The following ABLIM2 variants were observed in gnomAD, a reference collection of about 807,000 sequenced individuals.
ABLIM2 encodes actin-binding LIM protein 2.
In ABLIM2, 53 loss-of-function variants were observed where a neutral mutation model predicts 97.7. The ratio of observed to expected loss-of-function variants is 0.54; its 90% confidence interval spans 0.44 to 0.68. The LOEUF (loss-of-function observed/expected upper bound fraction) is 0.68, where lower values mean the gene tolerates loss of function less well. ABLIM2 is among the 30% of genes least tolerant of loss of function. The probability of loss-of-function intolerance (pLI) is 0.00; values close to 1 mark genes in which losing one functional copy is unlikely to be tolerated. For synonymous variants in ABLIM2, 361 were observed against 345.8 expected, an observed-to-expected ratio of 1.04 and a Z score of -0.49; for missense variants, 835 against 867.2, an observed-to-expected ratio of 0.96 and a Z score of 0.47.
At chr4:8,057,099 T>A (rs1799752837) in intron 7 of ABLIM2, among the ~76,000 whole-genome samples, 1 of 77,172 alleles carries the variant, frequency 1.3e-5, no homozygotes, top group Admixed American at 1.4e-4. Context: ...TCTTTCTTTC[T>A]TTTTTTTTTT....
At chr4:8,126,747 A>C (rs1004560499) in intron 1 of ABLIM2, among the ~76,000 whole-genome samples, 1 of 151,882 alleles carries the variant, frequency 6.6e-6, no homozygotes, top group South Asian at 2.1e-4. Flanking sequence ...CCAGAGGCAC[A>C]CCCTCCTGAG....
At chr4:8,093,916 G>A (rs962730885) in intron 3 of ABLIM2, among the ~76,000 whole-genome samples, 1 of 152,110 alleles carries the variant, frequency 6.6e-6, no homozygotes, top group Non-Finnish European at 1.5e-5. Context: ...AAAATGTTCA[G>A]CAATTACTTC....
chr4:8,015,134 T>C lies in ABLIM2; in HGVS notation c.1423+4484A>G, dbSNP rs1324919230. ...CGGGGTTTCACCATGTTGGCCAGGCTGGTCTCGAATGCTTGACCTCAGGTG... is the reference window on the plus strand; with the variant it reads ...CGGGGTTTCACCATGTTGGCCAGGCCGGTCTCGAATGCTTGACCTCAGGTG... On this transcript the variant is annotated intron_variant, in intron 14 of 20. Transcript: ENST00000447017. The surrounding 1 kb of genome is among the most constrained non-coding windows in gnomAD (Gnocchi z 4.6). Among the ~76,000 whole-genome samples the C allele has an allele frequency of 6.6e-6, 1 of 152,152 alleles. No homozygotes were observed. Among genetic ancestry groups the C allele is most frequent in the Admixed American group, 6.5e-5 (1 of 15,268 alleles).
rs942274497 is a variant in ABLIM2, at chr4:8,132,388, G to A, written c.11-25751C>T. ...GACAGGTGAGAGAGATTTTCACTGA[G>A]ACTTAAAGCGAGGAAGACACCAGTG... On this transcript the variant is annotated intron_variant, in intron 1 of 20. Transcript: ENST00000447017. This position sits in a 1 kb window ranked among gnomAD's most constrained non-coding sequence, Gnocchi z 8.0. 6.6e-6 allele frequency among the ~76,000 whole-genome samples: 1 copy of A among 152,220 alleles called. No individual in the cohort carries two copies. The highest frequency in any genetic ancestry group is 1.9e-4 in the East Asian group (1 of 5,200).
chr4:8,102,130 T>C (rs1004720210), intron 2 of ABLIM2, among the ~76,000 whole-genome samples: 5 of 152,234 alleles, frequency 3.3e-5, no homozygotes, highest in Non-Finnish European at 2.9e-5. Flanking sequence ...CCACGGTCTT[T>C]GCAGGGATGT....
rs139603845 is a variant in ABLIM2 at position 8,033,913 on chromosome 4, G to A, written c.1047+2236C>T. Among the ~76,000 whole-genome samples, 41 of 152,322 alleles carry A rather than the reference G, an allele frequency of 2.7e-4. No homozygotes were observed. The highest frequency in any genetic ancestry group is 2.6e-4 in the Non-Finnish European group (18 of 68,024). ...ACCCCAACACACATCACCTCTGCAT[G>A]TGGCCCTTCATGGCCACAGAGCCCT... is the stretch of plus-strand genomic sequence containing the variant. On this transcript the variant is annotated intron_variant, in intron 10 of 20. Transcript: ENST00000447017. This position sits in a 1 kb window ranked among gnomAD's most constrained non-coding sequence, Gnocchi z 4.5.
At chr4:7,985,502 G>A (rs990112723) in intron 17 of ABLIM2, among the ~76,000 whole-genome samples, 1 of 152,136 alleles carries the variant, frequency 6.6e-6, no homozygotes, top group African/African-American at 2.4e-5. Context: ...CTACGCGGAC[G>A]CACGTGGCTG....
Position 8,063,288 on chromosome 4 carries a change from A to G in ABLIM2, c.676-2234T>C, listed in dbSNP as rs188079241. On this transcript the variant is annotated intron_variant, in intron 6 of 20. Transcript: ENST00000447017. ...ACCATTGTTGGCCAGGATGGTCTCA[A>G]TCTCTTGACCTTGTGATCTGCCCCC... 8.5e-3 allele frequency among the ~76,000 whole-genome samples: 1,297 copies of G among 152,320 alleles called. 7 individuals carry two copies. Among genetic ancestry groups the G allele is most frequent in the Non-Finnish European group, 0.013 (906 of 68,026 alleles).
chr4:8,109,108 C>A (rs60793748), intron 1 of ABLIM2, among the ~76,000 whole-genome samples: 2 of 152,204 alleles, frequency 1.3e-5, no homozygotes, highest in East Asian at 1.9e-4. Flanking sequence ...GCGGCACTGG[C>A]CCCCCACCGC....
Position 8,149,204 on chromosome 4 carries a change from C to G in ABLIM2, c.10+9476G>C, listed in dbSNP as rs568081348. ...CGTGGAGACTTCTCTCTCCTCTCTG[C>G]TGCCTCCTGCCTCCCGTTAGCGAGA... On this transcript the variant is annotated intron_variant, in intron 1 of 20. Coordinates refer to ENST00000447017, the MANE Select transcript of ABLIM2 (RefSeq NM_001130083.2). The surrounding 1 kb of genome is among the most constrained non-coding windows in gnomAD (Gnocchi z 6.4). Among the ~76,000 whole-genome samples the G allele has an allele frequency of 6.6e-6, 1 of 152,344 alleles. No individual in the cohort carries two copies. The highest frequency in any genetic ancestry group is 2.4e-5 in the African/African-American group (1 of 41,578).
intron 8 of ABLIM2, among the ~76,000 whole-genome samples, chr4:8,053,467 T>C (rs1298714608): frequency 2.0e-5 from 3 of 152,202 alleles, no homozygotes; most frequent in African/African-American, 7.2e-5. Context: ...CAAAATAAAC[T>C]TTCTAAATTA....
chr4:7,995,618 C>A (rs898380343), intron 16 of ABLIM2, among the ~76,000 whole-genome samples: 1 of 152,214 alleles, frequency 6.6e-6, no homozygotes, highest in African/African-American at 2.4e-5. Context: ...CAGCTGGGGA[C>A]TTGTTTGCAA....
chr4:8,100,473 G>A (rs535081205), intron 2 of ABLIM2, among the ~76,000 whole-genome samples: 2 of 152,268 alleles, frequency 1.3e-5, no homozygotes, highest in South Asian at 4.1e-4. Flanking sequence ...AAGGCAGGGT[G>A]CGGTGGCTCA....
At position 8,054,291 on chromosome 4, in the gene ABLIM2, A is replaced by G. The variant is rs370219494; in HGVS notation, c.764-45T>C. On this transcript the variant is annotated intron_variant, in intron 7 of 20. Transcript: ENST00000447017. The surrounding 1 kb of genome is among the most constrained non-coding windows in gnomAD (Gnocchi z 4.9). The stretch of plus-strand genomic sequence containing the variant: ...AGGGAAATGATTAGAGTTATTTCCC[A>G]TGTTGCAGGGGCCTGTGTGGAAACG... 6.8e-5 allele frequency: 109 copies of G among 1,597,512 alleles called. No homozygotes were observed. Among genetic ancestry groups the G allele is most frequent in the Non-Finnish European group, 6.7e-5 (78 of 1,165,666 alleles).
chr4:7,973,361 C>G (rs1011511846), intron 20 of ABLIM2, among the ~76,000 whole-genome samples: 3 of 151,320 alleles, frequency 2.0e-5, no homozygotes, highest in African/African-American at 7.4e-5. Flanking sequence ...ATTAACCAGG[C>G]GTGGTGGTAC....
intron 2 of ABLIM2, among the ~76,000 whole-genome samples, chr4:8,106,067 G>T (rs1028397512): frequency 1.3e-5 from 2 of 152,222 alleles, no homozygotes; most frequent in Non-Finnish European, 2.9e-5. Flanking sequence ...AGTGTTCGCA[G>T]TGCTACTTCG....
chr4:8,043,932 A>G lies in ABLIM2; in HGVS notation c.900+1232T>C, dbSNP rs1790417061. Among the ~76,000 whole-genome samples the G allele has an allele frequency of 6.6e-6, 1 of 152,064 alleles. No individual in the cohort carries two copies. On this transcript the variant is annotated intron_variant, in intron 9 of 20. Transcript: ENST00000447017. This position sits in a 1 kb window ranked among gnomAD's most constrained non-coding sequence, Gnocchi z 4.8. Reference sequence around the variant, plus strand: ...GGCACCTCGCCCAGGGCATGCAGCCAACCTGGTGCCTTCATGCGCCCGCCT... The same window carrying G: ...GGCACCTCGCCCAGGGCATGCAGCCGACCTGGTGCCTTCATGCGCCCGCCT...
chr4:8,068,300 C>T lies in ABLIM2; in HGVS notation c.676-7246G>A, dbSNP rs1034318389. Among the ~76,000 whole-genome samples the T allele has an allele frequency of 6.6e-6, 1 of 152,198 alleles. No homozygotes were observed. Among genetic ancestry groups the T allele is most frequent in the Non-Finnish European group, 1.5e-5 (1 of 68,026 alleles). On this transcript the variant is annotated intron_variant, in intron 6 of 20. Transcript: ENST00000447017. The surrounding 1 kb of genome is among the most constrained non-coding windows in gnomAD (Gnocchi z 4.5). ...GTTTTAGGAAGACATCTTGTGCCTT[C>T]TGAAGGGTGGCTGTCATCTTTAATA...
intron 20 of ABLIM2, among the ~76,000 whole-genome samples, chr4:7,973,189 G>T (rs1055680073): frequency 2.0e-5 from 3 of 151,768 alleles, no homozygotes; most frequent in African/African-American, 2.4e-5. Flanking sequence ...GGCAGGAGGA[G>T]CCTTGGCTGC....
Sources: gnomAD v4.1 joint callset for allele counts (sites outside exome capture counted in the v4.1 genomes callset) on GRCh38, gnomAD v4.1.1 for gene constraint, Gnocchi (gnomAD v3.1) non-coding constraint, MANE v1.5 for transcripts, NCBI Gene and HGNC (gene_info 2026-07-23, HGNC 2026-07-21) for gene names.